The following IL32 variants were observed in gnomAD, a reference collection of about 807,000 sequenced individuals.
IL32 encodes the protein interleukin-32.
A neutral mutation model predicts 16.6 loss-of-function variants in IL32; 30 were observed. The observed-to-expected ratio is 1.81, with a 90% CI of 1.35 to 2.45. The LOEUF (loss-of-function observed/expected upper bound fraction) is 2.45. IL32 is among the 30% of genes most tolerant of loss of function. The pLI is 0.00. For missense variants in IL32, 234 were observed against 229.8 expected (o/e 1.02, Z -0.12); for synonymous variants, 70 against 86.1 (o/e 0.81, Z 1.03).
intron 6 of IL32, 186 bp downstream of exon 6, chr16:3,068,425 C>T (rs1956678985): frequency 3.3e-6 from 2 of 608,504 alleles, no homozygotes; most frequent in Non-Finnish European, 5.8e-6. Flanking sequence ...CCTGCCTCAG[C>T]CTGACAAGTA....
chr16:3,065,659 A>G lies in IL32; in HGVS notation c.-57A>G, dbSNP rs140327830. 1,595 of 784,122 alleles carry G rather than the reference A, an allele frequency of 2.0e-3. 22 individuals carry two copies. In the African/African-American group the frequency reaches 0.023, roughly 11 times the overall value. 48.6% of individuals were successfully genotyped at this position (784,122 alleles called of 1,614,324 possible). ...CCAGGAAGACTGCGTGCAGAAGGTG[A>G]CTGTCTCAGTGGAGCTGGGTCATCT... is the stretch of plus-strand genomic sequence containing the variant. On this transcript the variant is annotated 5_prime_UTR_variant, in exon 1 of 7. Transcript: ENST00000525643.
rs1367226412 is a variant in IL32 at position 3,068,005 on chromosome 16, C to G, written c.136C>G (p.Leu46Val). ...ACAGGTGATGTCGAGCCTGGCAGAG[C>G]TGGAGGTGAGCCGTGGCCTCCCCCT... ...RGQVMSSLAE[L>V]EDDFKEGYLE... Residue 46 changes from leucine to valine, a missense_variant, in exon 5 of 7, where the codon CTG becomes GTG. Around this residue, in one of 3 missense-constraint regions of IL32, gnomAD observed 137 missense variants for 80.7 expected, o/e 1.70. Transcript: ENST00000525643. 12 of 1,614,008 alleles carry G rather than the reference C, an allele frequency of 7.4e-6. No individual in the cohort carries two copies. The Admixed American group carries it at 1.5e-4, about 20-fold the overall frequency.
At position 3,068,007 on chromosome 16, in the gene IL32, G is replaced by A. The variant is rs1025291361; in HGVS notation, c.138G>A (p.Leu46=). 6.2e-6 allele frequency: 10 copies of A among 1,613,976 alleles called. No homozygotes were observed. The highest frequency in any genetic ancestry group is 1.3e-5 in the African/African-American group (1 of 74,922). Residue 46 remains leucine (L), a synonymous_variant, in exon 5 of 7, where the codon CTG becomes CTA. Coordinates refer to ENST00000525643, the MANE Select transcript of IL32 (RefSeq NM_001376923.1). Reference sequence around the variant, plus strand: ...AGGTGATGTCGAGCCTGGCAGAGCTGGAGGTGAGCCGTGGCCTCCCCCTCC... The same window carrying A: ...AGGTGATGTCGAGCCTGGCAGAGCTAGAGGTGAGCCGTGGCCTCCCCCTCC... ...RGQVMSSLAE[L]EDDFKEGYLE...
rs1177298748 is a variant in IL32, at chr16:3,067,688, G to A, written c.114+75G>A. The A allele has an allele frequency of 5.1e-6, 6 of 1,180,394 alleles. No individual in the cohort carries two copies. In the South Asian group the frequency reaches 7.7e-5, roughly 15 times the overall value. The allele number at this position is 1,180,394 out of a possible 1,614,324, so 73.1% of individuals were successfully genotyped here. ...CACTCCACCCTGTGTGGGGCTCAGG[G>A]TGAGAAGGATGAAGAGGGACCCACA... On this transcript the variant is annotated intron_variant, in intron 4 of 6. Transcript: ENST00000525643.
chr16:3,068,093 C>A, intron 5 of IL32, 83 bp downstream of exon 5: 1 of 1,605,626 alleles, frequency 6.2e-7, no homozygotes. Flanking sequence ...CCCGGGTCCC[C>A]TTGGGAATCA....
At chr16:3,068,088 G>C in intron 5 of IL32, 78 bp downstream of exon 5, 1 of 1,607,044 alleles carries the variant, frequency 6.2e-7, no homozygotes, top group South Asian at 1.1e-5. Context: ...TGGGCCCCGG[G>C]TCCCCTTGGG....
chr16:3,068,727 A>G, intron 6 of IL32: 1 of 529,374 alleles, frequency 1.9e-6, no homozygotes, highest in Non-Finnish European at 3.4e-6. Context: ...CTCCTCACAC[A>G]GTGGCACAGC....
At chr16:3,067,133 G>GTGAGGAGGGGTCACCTAGGCCCACGCA (rs1596246638) in intron 2 of IL32, among the ~76,000 whole-genome samples, 1 of 150,414 alleles carries the variant, frequency 6.6e-6, no homozygotes, top group Non-Finnish European at 1.5e-5. Context: ...CCCTGCTCTT[G>GTGAGGAGGGGTCACCTAGGCCCACGCA]GGCCTGCCCA....
At chr16:3,066,048 C>T (rs755328474) in intron 2 of IL32, among the ~76,000 whole-genome samples, 1 of 152,156 alleles carries the variant, frequency 6.6e-6, no homozygotes, top group African/African-American at 2.4e-5. Flanking sequence ...GAGGGAGCAC[C>T]TGTCCCAGGA....
upstream of IL32, chr16:3,065,446 G>A: frequency 2.8e-6 from 1 of 351,356 alleles, no homozygotes; most frequent in Non-Finnish European, 5.3e-6. Context: ...GCCCAGCCAG[G>A]GACGGACCCT....
chr16:3,065,497 A>G (rs1956218655), upstream of IL32: 4 of 495,662 alleles, frequency 8.1e-6, no homozygotes, highest in East Asian at 1.5e-4. Context: ...TCTCTCGGGT[A>G]AGTCTCCATC....
chr16:3,067,329 A>G (rs1956489670), intron 2 of IL32, 48 bp from the exon 3 acceptor site: 2 of 1,007,076 alleles, frequency 2.0e-6, no homozygotes, highest in Non-Finnish European at 3.0e-6. Flanking sequence ...TCCTGGAGGA[A>G]AGGTTAAGGT....
Position 3,067,893 on chromosome 16 carries a change from T to C in IL32, c.115-91T>C, listed in dbSNP as rs569333579. The C allele has an allele frequency of 5.7e-4, 832 of 1,449,606 alleles. 5 individuals are homozygous for C. The highest frequency in any genetic ancestry group is 5.7e-3 in the South Asian group (498 of 87,478). The allele number at this position is 1,449,606 out of a possible 1,614,324, so 89.8% of individuals were successfully genotyped here. A position where few individuals can be genotyped will look rare whatever the true frequency, so the allele number is the denominator to read the frequency against. ...CTGGCTGGGCCCAGTTCGGGGTGTG[T>C]GGGAGCTGAGGACTCACTGGGCTTG... is the stretch of plus-strand genomic sequence containing the variant. On this transcript the variant is annotated intron_variant, in intron 4 of 6. Transcript: ENST00000525643.
intron 4 of IL32, 162 bp downstream of exon 4, chr16:3,067,775 G>T: frequency 1.2e-6 from 1 of 812,082 alleles, no homozygotes; most frequent in East Asian, 2.6e-5. Flanking sequence ...GTGGGCGGGT[G>T]GGGGATCTGG....
intron 5 of IL32, 47 bp downstream of exon 5, chr16:3,068,057 G>A (rs557451943): frequency 5.6e-6 from 9 of 1,611,738 alleles, no homozygotes; most frequent in South Asian, 1.1e-5. Flanking sequence ...CTGGGTCTTA[G>A]GCTCCACAGG....
chr16:3,068,292 T>C, intron 6 of IL32, 53 bp downstream of exon 6: 1 of 1,431,422 alleles, frequency 7.0e-7, no homozygotes, highest in Non-Finnish European at 9.6e-7. Context: ...CTCTGCCCTG[T>C]CTTTTCTTTC....
rs998107980 is a variant in IL32 at position 3,067,573 on chromosome 16, T to G, written c.74T>G (p.Phe25Cys). The change falls in exon 4 of 7, where the codon TTT (phenylalanine) becomes TGT (cysteine). Residue 25 changes from phenylalanine (F) to cysteine (C), a missense_variant. Phe to Cys is a radical substitution (Grantham distance 205, BLOSUM62 -2). Coordinates refer to ENST00000525643, the MANE Select transcript of IL32 (RefSeq NM_001376923.1). Reference protein sequence around the residue: ...KARMHQAIERFYDKMQNAESG... With the variant: ...KARMHQAIERCYDKMQNAESG... ...TCACAGCACCAGGCCATAGAAAGAT[T>G]TTATGATAAAATGCAAAATGCAGAA... 1.2e-6 allele frequency: 2 copies of G among 1,613,872 alleles called. No individual in the cohort carries two copies. The highest frequency in any genetic ancestry group is 2.7e-5 in the African/African-American group (2 of 74,848).
chr16:3,067,460 C>T, intron 3 of IL32, 45 bp downstream of exon 3: 1 of 1,612,798 alleles, frequency 6.2e-7, no homozygotes, highest in Admixed American at 1.7e-5. Context: ...GGGCCTGGGT[C>T]TCAGCGTGTG....
Position 3,068,004 on chromosome 16 carries a change from G to A in IL32, c.135G>A (p.Glu45=). ...GRGQVMSSLA[E]LEDDFKEGYL... ...AACAGGTGATGTCGAGCCTGGCAGA[G>A]CTGGAGGTGAGCCGTGGCCTCCCCC... Residue 45 remains glutamate (E), a synonymous_variant, in exon 5 of 7, where the codon GAG becomes GAA. Transcript: ENST00000525643. 1 of 1,614,138 alleles carries A rather than the reference G, an allele frequency of 6.2e-7. No individual in the cohort carries two copies. Among genetic ancestry groups the A allele is most frequent in the East Asian group, 2.2e-5 (1 of 44,876 alleles).
Sources: gnomAD v4.1 joint callset for allele counts (sites outside exome capture counted in the v4.1 genomes callset) on GRCh38, gnomAD v4.1.1 for gene constraint, gnomAD v4.1.1 regional missense constraint, MANE v1.5 for transcripts, NCBI Gene and HGNC (gene_info 2026-07-23, HGNC 2026-07-21) for gene names.